TCF12: variants seen among roughly 807,000 people sequenced by gnomAD.
TCF12 encodes the protein transcription factor 12, also known as DNA-binding protein HTF4.
TCF12 carries 45 observed loss-of-function variants against 86.0 expected under a neutral mutation model. That is an observed-to-expected ratio of 0.52 (90% CI 0.41 to 0.67). TCF12 has a LOEUF of 0.67. TCF12 is among the 30% of genes least tolerant of loss of function. The probability of loss-of-function intolerance (pLI) is 0.00; values close to 1 mark genes in which losing one functional copy is unlikely to be tolerated. For synonymous variants in TCF12, 330 were observed against 299.6 expected, an observed-to-expected ratio of 1.10 and a Z score of -1.05; for missense variants, 881 against 859.9, an observed-to-expected ratio of 1.02 and a Z score of -0.31.
intron 3 of TCF12, among the ~76,000 whole-genome samples, chr15:56,923,001 A>G (rs1362853011): frequency 6.6e-6 from 1 of 152,028 alleles, no homozygotes; most frequent in Non-Finnish European, 1.5e-5. Flanking sequence ...TCTAATGCCT[A>G]TGTATTTGCA....
chr15:57,100,828 T>A (rs765932451), intron 5 of TCF12, among the ~76,000 whole-genome samples: 4 of 152,188 alleles, frequency 2.6e-5, no homozygotes, highest in Non-Finnish European at 5.9e-5. Flanking sequence ...TAATTAGCCA[T>A]CAAAATAATT....
At chr15:57,055,361 A>G (rs922673498) in intron 3 of TCF12, among the ~76,000 whole-genome samples, 3 of 152,184 alleles carry the variant, frequency 2.0e-5, no homozygotes, top group Non-Finnish European at 4.4e-5. Flanking sequence ...AGATCGCGCC[A>G]CTGCACTCTG....
At chr15:57,049,003 T>C (rs982855465) in intron 3 of TCF12, among the ~76,000 whole-genome samples, 1 of 152,176 alleles carries the variant, frequency 6.6e-6, no homozygotes, top group Admixed American at 6.5e-5. Context: ...CCAAAGTTGC[T>C]TTTCAAGAGT....
At chr15:57,272,663 T>C (rs1479763839) in intron 18 of TCF12, among the ~76,000 whole-genome samples, 1 of 152,228 alleles carries the variant, frequency 6.6e-6, no homozygotes, top group Non-Finnish European at 1.5e-5. Flanking sequence ...CCAGTGTTTT[T>C]AACAAGCTCC....
At chr15:57,169,362 A>T (rs1260286135) in intron 6 of TCF12, among the ~76,000 whole-genome samples, 2 of 152,152 alleles carry the variant, frequency 1.3e-5, no homozygotes, top group Non-Finnish European at 2.9e-5. Context: ...TCAGTTCCTA[A>T]TCATACAGTA....
chr15:57,252,518 T>C, intron 15 of TCF12, 26 bp downstream of exon 15: 1 of 1,587,588 alleles, frequency 6.3e-7, no homozygotes, highest in South Asian at 1.1e-5. Context: ...GATGGTGCCT[T>C]TTTTGTGTTT....
At chr15:57,159,664 C>T (rs1447572843) in intron 5 of TCF12, among the ~76,000 whole-genome samples, 1 of 152,046 alleles carries the variant, frequency 6.6e-6, no homozygotes, top group African/African-American at 2.4e-5. Flanking sequence ...TTTGAAACAT[C>T]CAGGAATTGT....
intron 4 of TCF12, among the ~76,000 whole-genome samples, chr15:57,087,158 T>C (rs1003384187): frequency 7.9e-5 from 12 of 151,550 alleles, no homozygotes; most frequent in African/African-American, 2.7e-4. Flanking sequence ...AAATATTTGA[T>C]TGCCCACATT....
intron 5 of TCF12, among the ~76,000 whole-genome samples, chr15:57,099,763 G>A (rs2049593304): frequency 6.6e-6 from 1 of 151,950 alleles, no homozygotes; most frequent in Admixed American, 6.6e-5. Flanking sequence ...TCAACTTATA[G>A]TAGATTTGTT....
rs144706058 is a variant in TCF12, at chr15:57,158,342, A to G, written c.326-8060A>G. 4.4e-4 allele frequency among the ~76,000 whole-genome samples: 67 copies of G among 151,832 alleles called. 1 individual carries two copies. The East Asian group carries it at 0.013, about 29-fold the overall frequency. ...TACAGGTGTGTACCACCATGCCCAG[A>G]TGATTTTTTGTATTTTTTGTAGAGT... On this transcript the variant is annotated intron_variant, in intron 5 of 20. Coordinates refer to ENST00000333725, the MANE Select transcript of TCF12 (RefSeq NM_207037.2).
intron 6 of TCF12, among the ~76,000 whole-genome samples, chr15:57,169,359 C>T (rs1316446844): frequency 6.6e-6 from 1 of 152,052 alleles, no homozygotes; most frequent in African/African-American, 2.4e-5. Context: ...TTCTCAGTTC[C>T]TAATCATACA....
intron 3 of TCF12, among the ~76,000 whole-genome samples, chr15:56,974,242 C>A (rs1234651954): frequency 2.6e-5 from 4 of 152,032 alleles, no homozygotes; most frequent in African/African-American, 9.7e-5. Context: ...AATAAAGTAT[C>A]ATGTCTGAAA....
Position 56,919,791 on chromosome 15 carries a change from C to T in TCF12, c.-22-101C>T, listed in dbSNP as rs971984185. ...CGGGGTCCTGGAAGTCATCCCGGCG[C>T]CCCCAGCGCTCTTGCGTAATCTTCC... On this transcript the variant is annotated intron_variant, in intron 1 of 20. Transcript: ENST00000333725. 1.4e-5 allele frequency: 14 copies of T among 1,029,070 alleles called. No individual in the cohort carries two copies. The African/African-American group carries it at 1.8e-4, about 13-fold the overall frequency. 63.7% of individuals were successfully genotyped at this position (1,029,070 alleles called of 1,614,324 possible).
In TCF12 at chr15:57,000,236, A is replaced by AC. The variant is rs1328149991; in HGVS notation, c.149-63512dup. ...ATCACCAGGGATGGAGTGCAGTGGC[A>AC]CCATCATAGTTCGTTACAGCCTCCG... is the stretch of plus-strand genomic sequence containing the variant. On this transcript the variant is annotated intron_variant, in intron 3 of 20. Transcript: ENST00000333725. Among the ~76,000 whole-genome samples the AC allele has an allele frequency of 6.6e-5, 10 of 152,102 alleles. No individual in the cohort carries two copies. In the South Asian group the frequency reaches 8.3e-4, roughly 13 times the overall value.
At chr15:56,953,810 C>T (rs551905994) in intron 3 of TCF12, among the ~76,000 whole-genome samples, 37 of 146,728 alleles carry the variant, frequency 2.5e-4, no homozygotes, top group African/African-American at 9.1e-4. Flanking sequence ...TTCTTGATCA[C>T]TGTGGCTAAA....
intron 4 of TCF12, among the ~76,000 whole-genome samples, chr15:57,068,706 T>A (rs1206678071): frequency 6.6e-6 from 1 of 152,088 alleles, no homozygotes; most frequent in Non-Finnish European, 1.5e-5. Context: ...AGAATCAAAG[T>A]TGATTTAAGG....
chr15:57,162,251 G>T (rs1195162442), intron 5 of TCF12, among the ~76,000 whole-genome samples: 1 of 151,454 alleles, frequency 6.6e-6, no homozygotes, highest in African/African-American at 2.4e-5. Flanking sequence ...AAAAAAAAAG[G>T]TTGGTAGAAA....
chr15:56,967,852 G>A (rs1281809191), intron 3 of TCF12, among the ~76,000 whole-genome samples: 2 of 152,084 alleles, frequency 1.3e-5, no homozygotes, highest in Admixed American at 6.5e-5. Flanking sequence ...TTCCAGAAAA[G>A]TGTGAATGTT....
chr15:57,048,420 C>G (rs2067381771), intron 3 of TCF12, among the ~76,000 whole-genome samples: 1 of 152,090 alleles, frequency 6.6e-6, no homozygotes, highest in Non-Finnish European at 1.5e-5. Flanking sequence ...CGCCACCACG[C>G]CCGGCTAATT....
Sources: gnomAD v4.1 joint callset for allele counts (sites outside exome capture counted in the v4.1 genomes callset) on GRCh38, gnomAD v4.1.1 for gene constraint, MANE v1.5 for transcripts, NCBI Gene and HGNC (gene_info 2026-07-23, HGNC 2026-07-21) for gene names.